Variants in DLGAP1 observed in about 807,000 individuals in gnomAD.
The protein encoded by DLGAP1 is DLG associated protein 1, also known as disks large-associated protein 1.
A neutral mutation model predicts 90.8 loss-of-function variants in DLGAP1; 11 were observed. That is an observed-to-expected ratio of 0.12 (90% CI 0.08 to 0.20). The LOEUF is 0.20. DLGAP1 is among the 10% of genes least tolerant of loss of function. The probability of loss-of-function intolerance (pLI) is 1.00; values close to 1 mark genes in which losing one functional copy is unlikely to be tolerated. For synonymous variants in DLGAP1, 558 were observed against 540.7 expected, an observed-to-expected ratio of 1.03 and a Z score of -0.44; for missense variants, 1,050 against 1,333.8, an observed-to-expected ratio of 0.79 and a Z score of 3.31.
At chr18:3,673,180 T>C (rs1009663791) in intron 7 of DLGAP1, among the ~76,000 whole-genome samples, 2 of 152,164 alleles carry the variant, frequency 1.3e-5, no homozygotes, top group Admixed American at 6.5e-5. Context: ...TGTGCGTGCC[T>C]GGGGAGCCCC....
At chr18:4,091,139 A>G (rs2075768140) in intron 2 of DLGAP1, among the ~76,000 whole-genome samples, 1 of 152,194 alleles carries the variant, frequency 6.6e-6, no homozygotes, top group African/African-American at 2.4e-5. Flanking sequence ...TAATGCATGC[A>G]GGGCTTAATA....
At chr18:3,583,188 T>A (rs772872902) in intron 7 of DLGAP1, among the ~76,000 whole-genome samples, 326 of 115,332 alleles carry the variant, frequency 2.8e-3, no homozygotes, top group Non-Finnish European at 4.2e-3. Flanking sequence ...CTACCTACCT[T>A]CCTTCCTTCC....
chr18:3,556,512 T>C (rs2053759576), intron 9 of DLGAP1, among the ~76,000 whole-genome samples: 1 of 152,196 alleles, frequency 6.6e-6, no homozygotes, highest in Admixed American at 6.5e-5. Context: ...ATACAGTATA[T>C]AGATTTTTCA....
intron 4 of DLGAP1, among the ~76,000 whole-genome samples, chr18:3,843,432 G>C (rs1211158251): frequency 1.3e-5 from 2 of 152,164 alleles, no homozygotes; most frequent in African/African-American, 2.4e-5. Flanking sequence ...ACAAATGGCA[G>C]GAAATAGAAG....
intron 7 of DLGAP1, among the ~76,000 whole-genome samples, chr18:3,685,814 A>C (rs1000326415): frequency 7.2e-5 from 11 of 152,186 alleles, no homozygotes; most frequent in Admixed American, 7.2e-4. Flanking sequence ...CACATTGTAT[A>C]ATCAAACACA....
intron 2 of DLGAP1, among the ~76,000 whole-genome samples, chr18:4,072,977 T>C (rs1405038591): frequency 6.6e-6 from 1 of 152,172 alleles, no homozygotes; most frequent in Non-Finnish European, 1.5e-5. Flanking sequence ...TAAGTCTACT[T>C]GGATTTAGAA....
chr18:4,112,413 T>C (rs1033839032), intron 2 of DLGAP1, among the ~76,000 whole-genome samples: 7 of 152,202 alleles, frequency 4.6e-5, no homozygotes, highest in Non-Finnish European at 7.4e-5. Context: ...GAGGATTCTA[T>C]AGATGTCTGT....
At chr18:3,974,417 A>G (rs2149012361) in intron 3 of DLGAP1, among the ~76,000 whole-genome samples, 1 of 152,352 alleles carries the variant, frequency 6.6e-6, no homozygotes, top group South Asian at 2.1e-4. Flanking sequence ...CTTTTAATTC[A>G]GGGCTTTTAA....
intron 3 of DLGAP1, among the ~76,000 whole-genome samples, chr18:3,936,623 G>T (rs1249226224): frequency 6.6e-6 from 1 of 152,176 alleles, no homozygotes; most frequent in Non-Finnish European, 1.5e-5. Context: ...TTGAGATAAA[G>T]TTCTATTGAT....
chr18:3,843,864 C>T (rs1398862229), intron 4 of DLGAP1, among the ~76,000 whole-genome samples: 1 of 152,064 alleles, frequency 6.6e-6, no homozygotes, highest in Non-Finnish European at 1.5e-5. Context: ...ACAGGCATTT[C>T]AAGAGAAATG....
intron 1 of DLGAP1, among the ~76,000 whole-genome samples, chr18:4,303,079 T>TG (rs777573899): frequency 2.0e-5 from 3 of 152,218 alleles, no homozygotes; most frequent in Non-Finnish European, 4.4e-5. Context: ...TGTTGACTGC[T>TG]GGGTTCCCAG....
At chr18:3,997,520 G>T (rs1034605238) in intron 3 of DLGAP1, among the ~76,000 whole-genome samples, 3 of 151,974 alleles carry the variant, frequency 2.0e-5, no homozygotes, top group Admixed American at 6.6e-5. Context: ...CTATCCTTCT[G>T]GTGTCACTTA....
At chr18:4,299,664 A>G (rs1184625488) in intron 1 of DLGAP1, among the ~76,000 whole-genome samples, 2 of 151,952 alleles carry the variant, frequency 1.3e-5, no homozygotes, top group African/African-American at 4.8e-5. Flanking sequence ...CATGTTCTGT[A>G]TTCCTCCCTG....
intron 4 of DLGAP1, among the ~76,000 whole-genome samples, chr18:3,817,418 G>A (rs566776448): frequency 1.3e-5 from 2 of 152,284 alleles, no homozygotes; most frequent in Non-Finnish European, 2.9e-5. Flanking sequence ...AAGAAGTTAT[G>A]TGGAAGTGAC....
intron 2 of DLGAP1, among the ~76,000 whole-genome samples, chr18:4,054,444 A>G (rs1353704225): frequency 6.6e-6 from 1 of 152,238 alleles, no homozygotes; most frequent in Non-Finnish European, 1.5e-5. Flanking sequence ...ATCACAGTTC[A>G]TTTAATAGCT....
chr18:4,287,952 CAT>C (rs2079743651), intron 1 of DLGAP1, among the ~76,000 whole-genome samples: 1 of 152,038 alleles, frequency 6.6e-6, no homozygotes, highest in Middle Eastern at 3.2e-3. Context: ...CCTCAGTATA[CAT>C]GTCACCTTGG....
At chr18:4,168,261 C>G (rs2076964141) in intron 1 of DLGAP1, among the ~76,000 whole-genome samples, 1 of 152,116 alleles carries the variant, frequency 6.6e-6, no homozygotes, top group Non-Finnish European at 1.5e-5. Flanking sequence ...TGAAACAGAA[C>G]AGGAAACCCA....
rs114132940 is a variant in DLGAP1 at position 4,279,128 on chromosome 18, C to T, written c.-266-127841G>A. Among the ~76,000 whole-genome samples the T allele has an allele frequency of 3.9e-3, 592 of 152,324 alleles. 3 individuals are homozygous for T. Among genetic ancestry groups the T allele is most frequent in the African/African-American group, 0.013 (552 of 41,564 alleles). ...AGAACAAGCGCTGGACTGGAAGTGG[C>T]AGACCTGGGGTTCAATTCTTACTAT... is the stretch of plus-strand genomic sequence containing the variant. On this transcript the variant is annotated intron_variant, in intron 1 of 12. Transcript: ENST00000315677.
intron 5 of DLGAP1, among the ~76,000 whole-genome samples, chr18:3,777,185 A>C (rs996985619): frequency 2.0e-5 from 3 of 152,208 alleles, no homozygotes; most frequent in Admixed American, 2.0e-4. Context: ...CTTACATTTA[A>C]ACAATAGTTC....
Sources: gnomAD v4.1 joint callset for allele counts (sites outside exome capture counted in the v4.1 genomes callset) on GRCh38, gnomAD v4.1.1 for gene constraint, MANE v1.5 for transcripts, NCBI Gene and HGNC (gene_info 2026-07-23, HGNC 2026-07-21) for gene names.